MMS22L: variants seen among roughly 807,000 people sequenced by gnomAD.
MMS22L encodes protein MMS22-like.
A neutral mutation model predicts 159.1 loss-of-function variants in MMS22L; 74 were observed. That is an observed-to-expected ratio of 0.47 (90% CI 0.39 to 0.56). The LOEUF is 0.56. Among genes scored for constraint, MMS22L ranks in the 20% least tolerant of loss-of-function variants. MMS22L has a pLI of 0.00. For missense variants in MMS22L, 1,351 were observed against 1,422.1 expected (o/e 0.95, Z 0.80); for synonymous variants, 517 against 506.9 (o/e 1.02, Z -0.27).
At chr6:97,191,406 A>G (rs1318968443) in intron 14 of MMS22L, among the ~76,000 whole-genome samples, 4 of 152,166 alleles carry the variant, frequency 2.6e-5, no homozygotes, top group Non-Finnish European at 5.9e-5. Context: ...CCTGGTATTC[A>G]CAGTTGTATA....
intron 15 of MMS22L, among the ~76,000 whole-genome samples, chr6:97,182,351 C>G (rs117637223): frequency 3.7e-4 from 56 of 152,214 alleles, no homozygotes; most frequent in Non-Finnish European, 4.7e-4. Context: ...GAGGTTTTGG[C>G]TAATGTGCCT....
chr6:97,159,787 G>A (rs963155161), intron 22 of MMS22L, among the ~76,000 whole-genome samples: 8 of 151,774 alleles, frequency 5.3e-5, no homozygotes, highest in African/African-American at 1.7e-4. Context: ...AAACATAAAT[G>A]AATTTCATGT....
chr6:97,271,690 G>C (rs1410067606), intron 6 of MMS22L: 2 of 151,970 alleles, frequency 1.3e-5, no homozygotes, highest in Admixed American at 1.3e-4. Flanking sequence ...TTTATTTCTT[G>C]AGATAGGGTC....
In MMS22L at chr6:97,165,334, C is replaced by T; in HGVS notation, c.3133G>A (p.Gly1045Arg). The T allele has an allele frequency of 1.2e-6, 2 of 1,613,332 alleles. No homozygotes were observed. The highest frequency in any genetic ancestry group is 1.7e-6 in the Non-Finnish European group (2 of 1,179,622). The change falls in exon 21 of 25, where the codon GGA becomes AGA. Residue 1045 changes from glycine to arginine, a missense_variant. By Grantham distance (125) the Gly-to-Arg change is moderately radical (BLOSUM62 -2). Coordinates refer to ENST00000683635, the MANE Select transcript of MMS22L (RefSeq NM_001350599.2). ...AATGCCAGCAAAACAGGATGTTGTC[C>T]AAGATCTGAAACATATGGTGAAGCT... is the stretch of plus-strand genomic sequence containing the variant. ...LPASPYVSDL[G>R]QHPVLLALRN...
Position 97,144,874 on chromosome 6 carries a change from A to C in MMS22L, c.*1932T>G, listed in dbSNP as rs553898368. 62 of 152,228 alleles carry C rather than the reference A, an allele frequency of 4.1e-4. 1 individual carries two copies. Among genetic ancestry groups the C allele is most frequent in the African/African-American group, 1.4e-3 (59 of 41,542 alleles). 9.4% of individuals were successfully genotyped at this position (152,228 alleles called of 1,614,324 possible). A position where few individuals can be genotyped will look rare whatever the true frequency, so the allele number is the denominator to read the frequency against. Reference sequence around the variant, plus strand: ...ACACACTTTGTTGTTACCATTCTTAAGTACAAATTTTAGTTATTCTTAGTA... The same window carrying C: ...ACACACTTTGTTGTTACCATTCTTACGTACAAATTTTAGTTATTCTTAGTA... On this transcript the variant is annotated 3_prime_UTR_variant, in exon 25 of 25. Coordinates refer to ENST00000683635, the MANE Select transcript of MMS22L (RefSeq NM_001350599.2).
intron 14 of MMS22L, among the ~76,000 whole-genome samples, chr6:97,197,476 G>T (rs1386574240): frequency 6.6e-6 from 1 of 152,132 alleles, no homozygotes; most frequent in African/African-American, 2.4e-5. Flanking sequence ...TGTCCTTGGG[G>T]TTAAAGGCAC....
chr6:97,152,157 T>C (rs112316496), intron 22 of MMS22L, among the ~76,000 whole-genome samples: 206 of 152,152 alleles, frequency 1.4e-3, no homozygotes, highest in African/African-American at 4.8e-3. Flanking sequence ...AGTTACACCA[T>C]CCTAATCCTA....
intron 9 of MMS22L, among the ~76,000 whole-genome samples, chr6:97,263,117 C>T (rs1396061263): frequency 6.6e-6 from 1 of 151,984 alleles, no homozygotes; most frequent in Non-Finnish European, 1.5e-5. Context: ...AGGGTTGAAC[C>T]TTGTACTGCT....
chr6:97,269,081 T>C (rs959796463), intron 7 of MMS22L, among the ~76,000 whole-genome samples: 1 of 151,960 alleles, frequency 6.6e-6, no homozygotes, highest in Non-Finnish European at 1.5e-5. Flanking sequence ...CCATAATATG[T>C]ATAAACTCCT....
At chr6:97,227,028 C>T (rs950944938) in intron 14 of MMS22L, among the ~76,000 whole-genome samples, 1 of 152,054 alleles carries the variant, frequency 6.6e-6, no homozygotes, top group African/African-American at 2.4e-5. Context: ...TTACTTGTCA[C>T]TTTATATCTC....
chr6:97,251,489 T>C (rs760295864), intron 10 of MMS22L, among the ~76,000 whole-genome samples: 9 of 152,182 alleles, frequency 5.9e-5, no homozygotes, highest in Non-Finnish European at 1.2e-4. Flanking sequence ...AATCCAGAAA[T>C]AAACTCTTTG....
At position 97,195,394 on chromosome 6, in the gene MMS22L, C is replaced by A. The variant is rs112530875; in HGVS notation, c.2040-8704G>T. Among the ~76,000 whole-genome samples the A allele has an allele frequency of 2.6e-4, 39 of 151,814 alleles. 2 individuals carry two copies. The highest frequency in any genetic ancestry group is 8.7e-4 in the African/African-American group (36 of 41,382). Reference sequence around the variant, plus strand: ...GATAAAATCCAAGTGGATAACAAGCCAGAAAAGCAGAAGTGTAATATAATT... The same window carrying A: ...GATAAAATCCAAGTGGATAACAAGCAAGAAAAGCAGAAGTGTAATATAATT... On this transcript the variant is annotated intron_variant, in intron 14 of 24. Coordinates refer to ENST00000683635, the MANE Select transcript of MMS22L (RefSeq NM_001350599.2).
At chr6:97,168,330 A>G (rs555786315) in intron 19 of MMS22L, 90 bp from the exon 20 acceptor site, 147 of 1,119,192 alleles carry the variant, frequency 1.3e-4, no homozygotes, top group Admixed American at 8.6e-4. Context: ...TTGAAAGCAC[A>G]TGGGACCAAA....
rs1293254707 is a variant in MMS22L, at chr6:97,162,024, C to A, written c.3363G>T (p.Leu1121Phe). ...AACCTTGTGGTTCACTGACTAACAC[C>A]AAGCATTTTAAAATGCCAGGGAGGA... is the stretch of plus-strand genomic sequence containing the variant. ...ELLLPGILKC[L>F]VLVSEPQVKR... is the part of the protein sequence containing the mutation. Residue 1121 changes from leucine to phenylalanine, a missense_variant, in exon 22 of 25, where the codon TTG (leucine) becomes TTT (phenylalanine). By Grantham distance (22) the Leu-to-Phe change is conservative (BLOSUM62 0). Transcript: ENST00000683635. 1 of 1,610,636 alleles carries A rather than the reference C, an allele frequency of 6.2e-7. No individual in the cohort carries two copies. The highest frequency in any genetic ancestry group is 8.5e-7 in the Non-Finnish European group (1 of 1,178,618).
chr6:97,225,027 CAA>C (rs1418970582), intron 14 of MMS22L, among the ~76,000 whole-genome samples: 1 of 151,920 alleles, frequency 6.6e-6, no homozygotes, highest in Non-Finnish European at 1.5e-5. Context: ...AGATGAGCCA[CAA>C]AAAAGTCTCT....
At position 97,182,027 on chromosome 6, in the gene MMS22L, G is replaced by A. The variant is rs1804768323; in HGVS notation, c.2261C>T (p.Pro754Leu). The change falls in exon 16 of 25, where the codon CCA becomes CTA. Residue 754 changes from proline to leucine, a missense_variant. Transcript: ENST00000683635. ...ADFTLLAMDM[P>L]STAPSDFQPQ... ...CTGAAAATCTGATGGAGCTGTGCTTGGCATGTCCATTGCTAGCAAAGTAAA... is the reference window on the plus strand; with the variant it reads ...CTGAAAATCTGATGGAGCTGTGCTTAGCATGTCCATTGCTAGCAAAGTAAA... The A allele has an allele frequency of 1.2e-6, 2 of 1,612,138 alleles. No homozygotes were observed. Among genetic ancestry groups the A allele is most frequent in the Middle Eastern group, 1.6e-4 (1 of 6,078 alleles).
rs1562423009 is a variant in MMS22L at position 97,178,584 on chromosome 6, TTC to T, written c.2537-1_2537del. On this transcript the variant is annotated splice_acceptor_variant and coding_sequence_variant, in exon 18 of 25. Transcript: ENST00000683635. LOFTEE classifies it high-confidence loss of function. ...TGACCAACTGTTTCATGTACTCTTT[TTC>T]TGTTAAAATAAAATAGTATTTGTTA... 6.8e-7 allele frequency: 1 copy of T among 1,481,372 alleles called. No homozygotes were observed. Among genetic ancestry groups the T allele is most frequent in the Non-Finnish European group, 9.2e-7 (1 of 1,084,220 alleles). The allele number at this position is 1,481,372 out of a possible 1,614,324, so 91.8% of individuals were successfully genotyped here. A position where few individuals can be genotyped will look rare whatever the true frequency, so the allele number is the denominator to read the frequency against.
chr6:97,226,602 A>G (rs1311311084), intron 14 of MMS22L, among the ~76,000 whole-genome samples: 1 of 151,894 alleles, frequency 6.6e-6, no homozygotes, highest in Non-Finnish European at 1.5e-5. Context: ...CTCAAAATAT[A>G]TATGTATATA....
intron 14 of MMS22L, among the ~76,000 whole-genome samples, chr6:97,203,891 T>C (rs565991649): frequency 5.3e-5 from 8 of 152,158 alleles, no homozygotes; most frequent in Non-Finnish European, 8.8e-5. Flanking sequence ...TGAATAAAAG[T>C]GGTTTAAAAG....
Sources: gnomAD v4.1 joint callset for allele counts (sites outside exome capture counted in the v4.1 genomes callset) on GRCh38, gnomAD v4.1.1 for gene constraint, MANE v1.5 for transcripts, NCBI Gene and HGNC (gene_info 2026-07-23, HGNC 2026-07-21) for gene names.